The following KHK variants were observed in gnomAD, a reference collection of about 807,000 sequenced individuals.
The protein encoded by KHK is fructokinase.
Under a neutral mutation model 36.0 loss-of-function variants are expected in KHK, and 37 were observed. The ratio of observed to expected loss-of-function variants is 1.03; its 90% CI spans 0.79 to 1.35. The LOEUF is 1.35. Ranked by LOEUF, KHK falls within the 40% of genes most tolerant of loss-of-function variation. KHK has a pLI of 0.00. For synonymous variants in KHK, 161 were observed against 162.8 expected, an observed-to-expected ratio of 0.99 and a Z score of 0.08; for missense variants, 395 against 391.9, an observed-to-expected ratio of 1.01 and a Z score of -0.07.
At chr2:27,095,685 T>C (rs939966970) in intron 3 of KHK, among the ~76,000 whole-genome samples, 2 of 152,222 alleles carry the variant, frequency 1.3e-5, no homozygotes, top group African/African-American at 4.8e-5. Flanking sequence ...CCAGGTACTG[T>C]TATGGCTGAG....
intron 5 of KHK, 66 bp from the exon 6 acceptor site, chr2:27,099,130 C>T (rs1352464867): frequency 1.6e-5 from 24 of 1,461,188 alleles, no homozygotes; most frequent in Non-Finnish European, 2.2e-5. Flanking sequence ...ATGGGGGCAA[C>T]GCTAGGCTGC....
intron 3 of KHK, among the ~76,000 whole-genome samples, chr2:27,096,338 C>T (rs1670339767): frequency 6.6e-6 from 1 of 152,148 alleles, no homozygotes; most frequent in South Asian, 2.1e-4. Context: ...ACAGCCCAGG[C>T]AGGGGGTCGC....
In KHK at chr2:27,100,014, A is replaced by C. The variant is rs1670712070; in HGVS notation, c.*264A>C. The C allele has an allele frequency of 1.4e-6, 1 of 697,104 alleles. No homozygotes were observed. The allele number at this position is 697,104 out of a possible 1,614,324, so 43.2% of individuals were successfully genotyped here. A position where few individuals can be genotyped will look rare whatever the true frequency, so the allele number is the denominator to read the frequency against. ...GAACTGCTCTGGCTGGGCATTCCTG[A>C]GGCTCTGACTCTTCGATCCTCCCTC... On this transcript the variant is annotated 3_prime_UTR_variant, in exon 8 of 8. Transcript: ENST00000260598.
At position 27,100,602 on chromosome 2, in the gene KHK, A is replaced by C; in HGVS notation, c.*852A>C. Reference sequence around the variant, plus strand: ...TTAGAGTGAGACAGACCTGGATTAAAATCTGCCATTTAATTAGCTGCATAT... The same window carrying C: ...TTAGAGTGAGACAGACCTGGATTAACATCTGCCATTTAATTAGCTGCATAT... On this transcript the variant is annotated 3_prime_UTR_variant, in exon 8 of 8. Transcript: ENST00000260598. The C allele has an allele frequency of 2.4e-6, 3 of 1,230,088 alleles. No individual in the cohort carries two copies. The African/African-American group carries it at 4.6e-5, about 19-fold the overall frequency. The allele number at this position is 1,230,088 out of a possible 1,614,324, so 76.2% of individuals were successfully genotyped here.
rs762806816 is a variant in KHK at position 27,092,437 on chromosome 2, C to T, written c.198C>T (p.Gly66=). ...PCAFMGSMAP[G]HVADFLVADF... ...CCTTCATGGGCTCAATGGCTCCTGG[C>T]CATGTTGCTGAGTAAGTCCAGGAGG... The change falls in exon 2 of 8, where the codon GGC becomes GGT. Residue 66 remains glycine (G), a synonymous_variant. Coordinates refer to ENST00000260598, the MANE Select transcript of KHK (RefSeq NM_006488.3). 4 of 1,612,186 alleles carry T rather than the reference C, an allele frequency of 2.5e-6. No individual in the cohort carries two copies.
rs764253704 is a variant in KHK, at chr2:27,097,640, C to T, written c.555C>T (p.Tyr185=). Residue 185 remains tyrosine, a synonymous_variant, in exon 5 of 8, where the codon TAC becomes TAT. Coordinates refer to ENST00000260598, the MANE Select transcript of KHK (RefSeq NM_006488.3). ...PREELFQLFG[Y]GDVVFVSKDV... ...AGGAGCTCTTCCAGCTGTTTGGCTA[C>T]GGAGACGTGGTGGGTGCCCCATTCA... 2.6e-5 allele frequency: 42 copies of T among 1,613,958 alleles called. No individual in the cohort carries two copies. Among genetic ancestry groups the T allele is most frequent in the African/African-American group, 9.3e-5 (7 of 74,910 alleles).
intron 1 of KHK, 111 bp downstream of exon 1, chr2:27,087,462 C>A: frequency 1.2e-6 from 1 of 800,734 alleles, no homozygotes; most frequent in Non-Finnish European, 2.0e-6. Context: ...AACCCGGCTT[C>A]AAGGCCGGAC....
chr2:27,099,908 G>A lies in KHK; in HGVS notation c.*158G>A, dbSNP rs1670702014. 1 of 1,489,880 alleles carries A rather than the reference G, an allele frequency of 6.7e-7. No individual in the cohort carries two copies. Among genetic ancestry groups the A allele is most frequent in the East Asian group, 2.5e-5 (1 of 40,682 alleles). The allele number at this position is 1,489,880 out of a possible 1,614,324, so 92.3% of individuals were successfully genotyped here. A position where few individuals can be genotyped will look rare whatever the true frequency, so the allele number is the denominator to read the frequency against. ...GTGTCCTGTGTTCCCCACAGGGAGA[G>A]GCTCTGGGGGGATGGCTGGGGGATG... is the stretch of plus-strand genomic sequence containing the variant. On this transcript the variant is annotated 3_prime_UTR_variant, in exon 8 of 8. Transcript: ENST00000260598.
At chr2:27,095,607 T>G (rs151277878) in intron 3 of KHK, among the ~76,000 whole-genome samples, 4 of 152,372 alleles carry the variant, frequency 2.6e-5, no homozygotes, top group African/African-American at 7.2e-5. Flanking sequence ...GCCTAGACAC[T>G]TCTTATCCCT....
At position 27,099,814 on chromosome 2, in the gene KHK, T is replaced by C. The variant is rs1182637240; in HGVS notation, c.*64T>C. The C allele has an allele frequency of 6.3e-7, 1 of 1,582,068 alleles. No individual in the cohort carries two copies. The highest frequency in any genetic ancestry group is 8.6e-7 in the Non-Finnish European group (1 of 1,164,408). ...ATTGCGGCTGCATCGCCTTCTCCCC[T>C]CCATCCAGCCTGGCGTCCAGGTTGC... On this transcript the variant is annotated 3_prime_UTR_variant, in exon 8 of 8. Transcript: ENST00000260598.
At chr2:27,094,579 C>T in intron 2 of KHK, 1 of 1,614,154 alleles carries the variant, frequency 6.2e-7, no homozygotes, top group Non-Finnish European at 8.5e-7. Flanking sequence ...TCAACGAGGC[C>T]AGTGGTAGCC....
chr2:27,099,475 G>A lies in KHK; in HGVS notation c.709G>A (p.Gly237Ser). Residue 237 changes from glycine (G) to serine (S), a missense_variant, in exon 7 of 8, where the codon GGC becomes AGC. Transcript: ENST00000260598. Reference sequence around the variant, plus strand: ...GGGCGCCGACGCCCTGGGCCCTGATGGCAAATTGCTCCACTCGGATGCTTT... The same window carrying A: ...GGGCGCCGACGCCCTGGGCCCTGATAGCAAATTGCTCCACTCGGATGCTTT... ...EEGADALGPD[G>S]KLLHSDAFPP... 6.2e-7 allele frequency: 1 copy of A among 1,614,132 alleles called. No homozygotes were observed. The highest frequency in any genetic ancestry group is 8.5e-7 in the Non-Finnish European group (1 of 1,180,012).
In KHK at chr2:27,094,886, GCAT is replaced by G. The variant is rs763181397; in HGVS notation, c.302_304del (p.Ile101del). On this transcript the variant is annotated inframe_deletion, in exon 3 of 8. Transcript: ENST00000260598. The stretch of plus-strand genomic sequence containing the variant: ...AAGGGGGACACCCCCAGCTCCTGCT[GCAT>G]CATCAACAACTCCAATGGCAACCGT... The G allele has an allele frequency of 1.9e-6, 3 of 1,614,028 alleles. No homozygotes were observed. The highest frequency in any genetic ancestry group is 2.5e-6 in the Non-Finnish European group (3 of 1,180,044).
intron 4 of KHK, 97 bp downstream of exon 4, chr2:27,096,898 G>A (rs1465943501): frequency 2.2e-6 from 2 of 901,482 alleles, no homozygotes; most frequent in African/African-American, 1.6e-5. Flanking sequence ...AAGTACCTTA[G>A]AGATAAATGA....
chr2:27,092,180 C>T (rs1183709636), intron 1 of KHK, 152 bp from the exon 2 acceptor site: 4 of 737,958 alleles, frequency 5.4e-6, no homozygotes, highest in East Asian at 2.5e-5. Context: ...TTCCCTTGGC[C>T]GGCCTCGGCT....
Position 27,099,094 on chromosome 2 carries a change from G to A in KHK, c.565-102G>A. 6 of 975,344 alleles carry A rather than the reference G, an allele frequency of 6.2e-6. No individual in the cohort carries two copies. The Admixed American group carries it at 8.4e-5, about 14-fold the overall frequency. The allele number at this position is 975,344 out of a possible 1,614,324, so 60.4% of individuals were successfully genotyped here. On this transcript the variant is annotated intron_variant, in intron 5 of 7. Transcript: ENST00000260598. The stretch of plus-strand genomic sequence containing the variant: ...GAGATGCTACGTTGGGGATCTATGT[G>A]GACATGTTGGGGGAGTCGTGTTGTA...
At chr2:27,091,828 C>A (rs529313414) in intron 1 of KHK, among the ~76,000 whole-genome samples, 5 of 152,180 alleles carry the variant, frequency 3.3e-5, no homozygotes, top group Non-Finnish European at 7.3e-5. Context: ...CTGTCTTACT[C>A]GTTTGATTTT....
At chr2:27,092,541 G>A in intron 2 of KHK, 93 bp downstream of exon 2, 1 of 927,428 alleles carries the variant, frequency 1.1e-6, no homozygotes, top group Non-Finnish European at 1.7e-6. Flanking sequence ...TGGGGGATTA[G>A]AAATGGGTTG....
Position 27,087,060 on chromosome 2 carries a change from T to G in KHK, c.-200T>G, listed in dbSNP as rs913747338. 9.2e-6 allele frequency: 5 copies of G among 540,634 alleles called. No homozygotes were observed. In the African/African-American group the frequency reaches 9.5e-5, roughly 10 times the overall value. 33.5% of individuals were successfully genotyped at this position (540,634 alleles called of 1,614,324 possible). The stretch of plus-strand genomic sequence containing the variant: ...TGGCTTTCCTAGACCCGCTCGGGTC[T>G]TCGGGTGTCGCGAGGAAGGGCCCTG... On this transcript the variant is annotated 5_prime_UTR_variant, in exon 1 of 8. Transcript: ENST00000260598.
Sources: gnomAD v4.1 joint callset for allele counts (sites outside exome capture counted in the v4.1 genomes callset) on GRCh38, gnomAD v4.1.1 for gene constraint, MANE v1.5 for transcripts, NCBI Gene and HGNC (gene_info 2026-07-23, HGNC 2026-07-21) for gene names.